The following GPATCH2L variants were observed in gnomAD, a reference collection of about 807,000 sequenced individuals.
GPATCH2L encodes the protein G patch domain-containing protein 2-like.
In GPATCH2L, 31 loss-of-function variants were observed where a neutral mutation model predicts 57.4. The observed-to-expected ratio is 0.54, with a 90% CI of 0.41 to 0.73. The LOEUF (loss-of-function observed/expected upper bound fraction) is 0.73. GPATCH2L is among the 30% of genes least tolerant of loss of function. The pLI is 0.00. For synonymous variants in GPATCH2L, 199 were observed against 210.7 expected, an observed-to-expected ratio of 0.94 and a Z score of 0.48; for missense variants, 481 against 599.9, an observed-to-expected ratio of 0.80 and a Z score of 2.07.
At chr14:76,170,667 G>A (rs1044857850) in intron 3 of GPATCH2L, 1 of 152,124 alleles carries the variant, frequency 6.6e-6, no homozygotes, top group African/African-American at 2.4e-5. Flanking sequence ...ATGAAGTATG[G>A]ACATATATTC....
chr14:76,166,163 G>A (rs899153357), intron 2 of GPATCH2L, among the ~76,000 whole-genome samples: 4 of 152,144 alleles, frequency 2.6e-5, no homozygotes, highest in Non-Finnish European at 4.4e-5. Context: ...TCGATATGAA[G>A]GAGGACAGTA....
chr14:76,231,982 C>CAGCCTCACTGT (rs2040568366), intron 2 of GPATCH2L, among the ~76,000 whole-genome samples: 1 of 152,068 alleles, frequency 6.6e-6, no homozygotes, highest in Non-Finnish European at 1.5e-5. Context: ...AGCCTCACTG[C>CAGCCTCACTGT]AGCCTCACTG....
At chr14:76,161,090 C>T (rs2038560375) in intron 2 of GPATCH2L, among the ~76,000 whole-genome samples, 1 of 152,104 alleles carries the variant, frequency 6.6e-6, no homozygotes, top group Non-Finnish European at 1.5e-5. Context: ...ATAACCTCTC[C>T]CTCAGTCTTG....
chr14:76,176,714 C>CTG, intron 6 of GPATCH2L, 24 bp downstream of exon 6: 1 of 1,471,640 alleles, frequency 6.8e-7, no homozygotes, highest in Non-Finnish European at 9.5e-7. Context: ...TATTTACTGG[C>CTG]TGTGCTAGTC....
At chr14:76,165,010 C>T (rs2038764218) in intron 2 of GPATCH2L, among the ~76,000 whole-genome samples, 2 of 152,146 alleles carry the variant, frequency 1.3e-5, no homozygotes, top group Admixed American at 1.3e-4. Context: ...TGAAGAATTT[C>T]CTAGTAAAAT....
At chr14:76,200,125 C>T (rs764803318) in intron 9 of GPATCH2L, among the ~76,000 whole-genome samples, 1 of 152,106 alleles carries the variant, frequency 6.6e-6, no homozygotes, top group Non-Finnish European at 1.5e-5. Flanking sequence ...TAGTCAACTT[C>T]ATACAAACAG....
At chr14:76,152,673 A>G (rs1016394142) in intron 1 of GPATCH2L, 3 of 455,976 alleles carry the variant, frequency 6.6e-6, no homozygotes, top group African/African-American at 6.0e-5. Context: ...TGTTGGAATT[A>G]CAGGCTTTGA....
rs547943542 is a variant in GPATCH2L at position 76,213,175 on chromosome 14, C to T, written c.*11324C>T. The stretch of plus-strand genomic sequence containing the variant: ...TTAAAATATGTAGTAAAATATGTAA[C>T]ATTTTAGCTAACATTACAAGAGAAG... On this transcript the variant is annotated 3_prime_UTR_variant, in exon 10 of 10. Coordinates refer to ENST00000261530, the MANE Select transcript of GPATCH2L (RefSeq NM_017926.4). 6.6e-6 allele frequency: 1 copy of T among 152,134 alleles called. No homozygotes were observed. Among genetic ancestry groups the T allele is most frequent in the South Asian group, 2.1e-4 (1 of 4,816 alleles). 9.4% of individuals were successfully genotyped at this position (152,134 alleles called of 1,614,324 possible). A position where few individuals can be genotyped will look rare whatever the true frequency, so the allele number is the denominator to read the frequency against.
chr14:76,166,787 C>T, intron 3 of GPATCH2L, 60 bp downstream of exon 3: 1 of 1,139,192 alleles, frequency 8.8e-7, no homozygotes, highest in Non-Finnish European at 1.3e-6. Flanking sequence ...TTTGAATAAT[C>T]ATAGGAGTGA....
chr14:76,230,816 TC>T lies in GPATCH2L; in HGVS notation c.*117+864del, dbSNP rs540261579. On this transcript the variant is annotated intron_variant and NMD_transcript_variant, in intron 2 of 3. Transcript: ENST00000556372. ...TAGAGAACAGGTGCACTTTTTATCATCTCTGCACTTGGAGCTTTAATTCCCT... is the reference window on the plus strand; with the variant it reads ...TAGAGAACAGGTGCACTTTTTATCATTCTGCACTTGGAGCTTTAATTCCCT... Among the ~76,000 whole-genome samples, 479 of 152,310 alleles carry T rather than the reference TC, an allele frequency of 3.1e-3. 1 individual carries two copies. The highest frequency in any genetic ancestry group is 2.3e-3 in the Non-Finnish European group (159 of 68,024).
At chr14:76,158,096 A>G (rs925103392) in intron 2 of GPATCH2L, among the ~76,000 whole-genome samples, 1 of 151,394 alleles carries the variant, frequency 6.6e-6, no homozygotes. Flanking sequence ...CTAACACATC[A>G]TTTGTTTGTT....
At chr14:76,172,065 T>G in intron 4 of GPATCH2L, 46 bp downstream of exon 4, 1 of 1,287,298 alleles carries the variant, frequency 7.8e-7, no homozygotes, top group East Asian at 2.5e-5. Flanking sequence ...ATGGTTCTCC[T>G]TGGGCAGAGC....
intron 1 of GPATCH2L, among the ~76,000 whole-genome samples, chr14:76,220,367 CA>C (rs908980218): frequency 2.4e-4 from 37 of 152,180 alleles, no homozygotes; most frequent in African/African-American, 8.7e-4. Context: ...ATACAAATAT[CA>C]GTTGAGATAA....
At chr14:76,161,623 A>G (rs754236052) in intron 2 of GPATCH2L, among the ~76,000 whole-genome samples, 3 of 152,200 alleles carry the variant, frequency 2.0e-5, no homozygotes, top group African/African-American at 7.2e-5. Context: ...TTGGGAATTC[A>G]GAGGGGTTTA....
intron 8 of GPATCH2L, among the ~76,000 whole-genome samples, chr14:76,192,420 T>C (rs1016168886): frequency 2.0e-5 from 3 of 152,130 alleles, no homozygotes; most frequent in Admixed American, 1.3e-4. Flanking sequence ...AGCGAAGATA[T>C]GATGTTATTC....
At chr14:76,164,497 C>G (rs1594920465) in intron 2 of GPATCH2L, among the ~76,000 whole-genome samples, 2 of 152,266 alleles carry the variant, frequency 1.3e-5, no homozygotes, top group Admixed American at 1.3e-4. Flanking sequence ...CTTGATGTTT[C>G]TGGTACTGAG....
intron 8 of GPATCH2L, among the ~76,000 whole-genome samples, chr14:76,193,024 G>A (rs540392089): frequency 1.8e-4 from 28 of 152,110 alleles, no homozygotes; most frequent in Admixed American, 1.3e-4. Flanking sequence ...TAACAATATC[G>A]CCTAGAGGAG....
chr14:76,181,026 C>T (rs530649913), intron 8 of GPATCH2L, among the ~76,000 whole-genome samples, 177 bp downstream of exon 8: 33 of 152,270 alleles, frequency 2.2e-4, no homozygotes, highest in Admixed American at 7.8e-4. Flanking sequence ...AGTATCTTTC[C>T]TGTGGTCCAA....
chr14:76,222,947 CTG>C (rs1350372598), intron 1 of GPATCH2L, among the ~76,000 whole-genome samples: 1 of 133,484 alleles, frequency 7.5e-6, no homozygotes, highest in Non-Finnish European at 1.6e-5. Context: ...CAGAGTGAGA[CTG>C]TGTTCAAAAA....
Sources: allele counts gnomAD v4.1 joint callset (sites outside exome capture counted in the v4.1 genomes callset), GRCh38; gene constraint gnomAD v4.1.1; transcripts MANE v1.5; gene names NCBI Gene and HGNC (gene_info 2026-07-23, HGNC 2026-07-21).